CCDC7: variants seen among roughly 807,000 people sequenced by gnomAD.
The protein encoded by CCDC7 is coiled-coil domain-containing protein 7.
Under a neutral mutation model 196.9 loss-of-function variants are expected in CCDC7, and 183 were observed. That is an observed-to-expected ratio of 0.93 (90% CI 0.82 to 1.05). The LOEUF is 1.05. CCDC7 is among the 50% of genes least tolerant of loss of function. The pLI, the probability that CCDC7 is intolerant of heterozygous loss-of-function variation, is 0.00. For missense variants in CCDC7, 1,540 were observed against 1,482.2 expected, an observed-to-expected ratio of 1.04 and a Z score of -0.64; for synonymous variants, 525 against 484.6, an observed-to-expected ratio of 1.08 and a Z score of -1.10.
At position 32,597,587 on chromosome 10, in the gene CCDC7, G is replaced by C. The variant is rs566521036; in HGVS notation, c.1801+13283G>C. Among the ~76,000 whole-genome samples the C allele has an allele frequency of 8.5e-5, 13 of 152,308 alleles. No homozygotes were observed. In the South Asian group the frequency reaches 2.7e-3, roughly 32 times the overall value. On this transcript the variant is annotated intron_variant, in intron 18 of 41. Coordinates refer to ENST00000639629, the Ensembl canonical transcript of CCDC7. ...TGGTGAGGAGCTCTGTTTCTTTGGA[G>C]GAGAAGAGGTGTCTGATTTTTAGAA...
chr10:32,821,722 A>G (rs991299890), intron 31 of CCDC7, among the ~76,000 whole-genome samples: 3 of 152,166 alleles, frequency 2.0e-5, no homozygotes, highest in African/African-American at 7.2e-5. Context: ...CAAAAAACCA[A>G]ACACCACATG....
chr10:32,517,289 T>G (rs1385257298), intron 9 of CCDC7, among the ~76,000 whole-genome samples: 1 of 151,664 alleles, frequency 6.6e-6, no homozygotes, highest in African/African-American at 2.4e-5. Flanking sequence ...TCTCAGACAT[T>G]AAGTTAAGTG....
At chr10:32,444,475 T>C (rs1212702012), upstream of CCDC7, among the ~76,000 whole-genome samples, 2 of 152,228 alleles carry the variant, frequency 1.3e-5, no homozygotes, top group Non-Finnish European at 2.9e-5. Context: ...GCTGAGAGTT[T>C]TGCTAATGTA....
chr10:32,675,520 T>A (rs1453595197), intron 21 of CCDC7: 7 of 152,214 alleles, frequency 4.6e-5, no homozygotes, highest in African/African-American at 1.4e-4. Context: ...GCTTTTAACT[T>A]TTATACTAGA....
chr10:32,841,724 C>T (rs1195175640), intron 33 of CCDC7, among the ~76,000 whole-genome samples: 4 of 151,874 alleles, frequency 2.6e-5, no homozygotes, highest in Non-Finnish European at 5.9e-5. Context: ...AGGCCATAGT[C>T]ACCAAAACAG....
rs558874513 is a variant in CCDC7 at position 32,491,485 on chromosome 10, A to G, written c.797-437A>G. Among the ~76,000 whole-genome samples the G allele has an allele frequency of 2.6e-5, 4 of 152,262 alleles. No homozygotes were observed. The East Asian group carries it at 7.7e-4, about 29-fold the overall frequency. On this transcript the variant is annotated intron_variant, in intron 8 of 41. Transcript: ENST00000639629. ...TTAACAGGTTAGCTAGATCCTTCCCATAGACCTTATTGACTTAGCAACAGC... is the reference window on the plus strand; with the variant it reads ...TTAACAGGTTAGCTAGATCCTTCCCGTAGACCTTATTGACTTAGCAACAGC...
chr10:32,574,476 CAG>C, intron 16 of CCDC7: 2 of 1,583,682 alleles, frequency 1.3e-6, no homozygotes, highest in East Asian at 2.3e-5. Flanking sequence ...CCCAAACCTT[CAG>C]AGAGTGGATG....
intron 33 of CCDC7, among the ~76,000 whole-genome samples, chr10:32,835,512 A>G (rs973072744): frequency 6.6e-6 from 1 of 152,154 alleles, no homozygotes; most frequent in African/African-American, 2.4e-5. Context: ...ATAAAAAAGA[A>G]ACAAGATCAT....
chr10:32,631,199 C>A (rs1221588115), intron 18 of CCDC7, among the ~76,000 whole-genome samples: 2 of 152,100 alleles, frequency 1.3e-5, no homozygotes, highest in Non-Finnish European at 2.9e-5. Context: ...TTAACTTGTG[C>A]TTTTGGTGTC....
chr10:32,774,627 A>G (rs2079685401), intron 28 of CCDC7, among the ~76,000 whole-genome samples: 1 of 152,148 alleles, frequency 6.6e-6, no homozygotes, highest in Non-Finnish European at 1.5e-5. Flanking sequence ...TTGTCTTTGA[A>G]TAATTTCTAG....
upstream of CCDC7, chr10:32,446,707 A>G (rs904848891): frequency 6.6e-6 from 1 of 152,262 alleles, no homozygotes; most frequent in Non-Finnish European, 1.5e-5. Flanking sequence ...ACTTGGGCGA[A>G]GTAATGCTGA....
intron 20 of CCDC7, among the ~76,000 whole-genome samples, chr10:32,657,185 A>G: frequency 6.6e-6 from 1 of 152,126 alleles, no homozygotes; most frequent in African/African-American, 2.4e-5. Context: ...CAGGCACATG[A>G]TGCAAGCTGT....
At chr10:32,801,089 T>G (rs1169538924) in intron 29 of CCDC7, among the ~76,000 whole-genome samples, 1 of 152,204 alleles carries the variant, frequency 6.6e-6, no homozygotes, top group African/African-American at 2.4e-5. Flanking sequence ...GCATTTAAAT[T>G]TTATAGCTGA....
At position 32,493,402 on chromosome 10, in the gene CCDC7, A is replaced by G. The variant is rs1412920637; in HGVS notation, c.872+1405A>G. Among the ~76,000 whole-genome samples the G allele has an allele frequency of 3.3e-5, 5 of 150,106 alleles. No individual in the cohort carries two copies. In the East Asian group the frequency reaches 9.7e-4, roughly 29 times the overall value. On this transcript the variant is annotated intron_variant, in intron 9 of 41. Transcript: ENST00000639629. ...ATATTTAATATATATATCTGTATAT[A>G]TATATCTTCCACATGTTCTTTATCT...
chr10:32,712,688 A>G (rs1239484644), intron 25 of CCDC7, among the ~76,000 whole-genome samples: 2 of 152,206 alleles, frequency 1.3e-5, no homozygotes, highest in Non-Finnish European at 1.5e-5. Context: ...ACTAATCCTG[A>G]TCATCCTCTT....
At chr10:32,775,472 A>G (rs1335989) in intron 28 of CCDC7, among the ~76,000 whole-genome samples, 21,899 of 152,106 alleles carry the variant, frequency 0.14, 1,936 homozygotes, top group African/African-American at 0.25. Flanking sequence ...TAAGAGCACA[A>G]GTTTAAATAC....
At chr10:32,587,293 A>C (rs956239420) in intron 18 of CCDC7, among the ~76,000 whole-genome samples, 1 of 152,162 alleles carries the variant, frequency 6.6e-6, no homozygotes, top group Admixed American at 6.5e-5. Context: ...TATTTTTTAC[A>C]GTTCTGAAGG....
intron 28 of CCDC7, among the ~76,000 whole-genome samples, chr10:32,742,603 C>G (rs1323557512): frequency 1.3e-5 from 2 of 152,148 alleles, no homozygotes; most frequent in Non-Finnish European, 2.9e-5. Context: ...ATGTAGCAGT[C>G]TTTGTCTGCT....
chr10:32,845,768 T>TACACACAC (rs145287806), intron 35 of CCDC7, 108 bp from the exon 37 acceptor site: 65,466 of 746,060 alleles, frequency 0.088, 1,143 homozygotes, highest in Middle Eastern at 0.11. Flanking sequence ...CTTCCATAAT[T>TACACACAC]ACACACACAC....
Sources: allele counts gnomAD v4.1 joint callset (sites outside exome capture counted in the v4.1 genomes callset), GRCh38; gene constraint gnomAD v4.1.1; transcripts MANE v1.5; gene names NCBI Gene and HGNC (gene_info 2026-07-23, HGNC 2026-07-21).